The following GRIK2 variants were observed in gnomAD, a reference collection of about 807,000 sequenced individuals.
The protein encoded by GRIK2 is glutamate ionotropic receptor kainate type subunit 2, also known as glutamate receptor ionotropic, kainate 2.
GRIK2 carries 32 observed loss-of-function variants against 100.3 expected under a neutral mutation model. The observed-to-expected ratio is 0.32, with a 90% CI of 0.24 to 0.43. The LOEUF (loss-of-function observed/expected upper bound fraction) is 0.43. Among genes scored for constraint, GRIK2 ranks in the 20% least tolerant of loss-of-function variants. GRIK2 has a pLI of 1.00. For synonymous variants in GRIK2, 417 were observed against 389.4 expected (o/e 1.07, Z -0.83); for missense variants, 843 against 1,114.9 (o/e 0.76, Z 3.47).
chr6:101,620,615 G>A (rs962073510), intron 2 of GRIK2, among the ~76,000 whole-genome samples: 1 of 152,130 alleles, frequency 6.6e-6, no homozygotes, highest in South Asian at 2.1e-4. Flanking sequence ...AAATATCTTT[G>A]ATGAGGTATG....
At chr6:101,480,434 C>T (rs960754730) in intron 2 of GRIK2, among the ~76,000 whole-genome samples, 5 of 151,956 alleles carry the variant, frequency 3.3e-5, no homozygotes, top group African/African-American at 1.2e-4. Context: ...AGCATCCTAT[C>T]TTTCTCTTTT....
At chr6:101,548,650 T>C (rs1323798067) in intron 2 of GRIK2, among the ~76,000 whole-genome samples, 1 of 152,242 alleles carries the variant, frequency 6.6e-6, no homozygotes, top group Admixed American at 6.5e-5. Flanking sequence ...GCATTATTTC[T>C]GAGGGCTGCA....
intron 7 of GRIK2, among the ~76,000 whole-genome samples, chr6:101,730,649 T>G (rs930266484): frequency 4.1e-5 from 6 of 147,976 alleles, no homozygotes; most frequent in Non-Finnish European, 5.9e-5. Flanking sequence ...CCCTTTTTTG[T>G]TTTTTTTTGT....
At chr6:101,669,885 A>T (rs532807269) in intron 4 of GRIK2, among the ~76,000 whole-genome samples, 1 of 152,250 alleles carries the variant, frequency 6.6e-6, no homozygotes, top group Admixed American at 6.5e-5. Flanking sequence ...AAGGAAAGCA[A>T]AGGATTAAGA....
chr6:101,662,842 C>T (rs2128334702), intron 4 of GRIK2, among the ~76,000 whole-genome samples: 1 of 152,054 alleles, frequency 6.6e-6, no homozygotes, highest in South Asian at 2.1e-4. Flanking sequence ...TGAACATATA[C>T]CATTTATATT....
chr6:101,886,364 G>A (rs558613339), intron 11 of GRIK2, among the ~76,000 whole-genome samples: 7 of 151,934 alleles, frequency 4.6e-5, no homozygotes, highest in African/African-American at 2.4e-5. Flanking sequence ...ATGTCTGAAT[G>A]TGTCTATCTG....
chr6:101,753,276 C>G (rs1223283273), intron 7 of GRIK2, among the ~76,000 whole-genome samples: 1 of 138,834 alleles, frequency 7.2e-6, no homozygotes, highest in Non-Finnish European at 1.5e-5. Context: ...GAGCGAGACT[C>G]CGTCTCAAAA....
chr6:101,582,801 T>A (rs1025775731), intron 2 of GRIK2, among the ~76,000 whole-genome samples: 1 of 152,156 alleles, frequency 6.6e-6, no homozygotes, highest in African/African-American at 2.4e-5. Flanking sequence ...ATACAATTCC[T>A]GACAAATGGA....
chr6:101,818,450 A>T lies in GRIK2; in HGVS notation c.1284A>T (p.Leu428Phe). Reference protein sequence around the residue: ...KGKPANITDSLSNRSLIVTTI... With the variant: ...KGKPANITDSFSNRSLIVTTI... ...AGCCAGCGAACATCACAGATTCCTT[A>T]TCCAATCGTTCTTTGATTGTTACCA... is the stretch of plus-strand genomic sequence containing the variant. Residue 428 changes from leucine (L) to phenylalanine (F), a missense_variant, in exon 10 of 17, where the codon TTA becomes TTT. Leu to Phe is a conservative substitution (Grantham distance 22). Transcript: ENST00000369134. The T allele has an allele frequency of 6.2e-7, 1 of 1,608,032 alleles. No individual in the cohort carries two copies.
At chr6:101,858,124 G>A (rs545472816) in intron 10 of GRIK2, among the ~76,000 whole-genome samples, 6 of 152,182 alleles carry the variant, frequency 3.9e-5, no homozygotes, top group East Asian at 1.9e-4. Flanking sequence ...TTATCTTACC[G>A]AGTACCTTGC....
intron 2 of GRIK2, among the ~76,000 whole-genome samples, chr6:101,466,989 C>T (rs976334863): frequency 6.6e-6 from 1 of 152,004 alleles, no homozygotes; most frequent in African/African-American, 2.4e-5. Flanking sequence ...TCTAAGCACC[C>T]GCTAATATAC....
At chr6:101,579,866 A>AAT (rs1476824982) in intron 2 of GRIK2, among the ~76,000 whole-genome samples, 1 of 151,676 alleles carries the variant, frequency 6.6e-6, no homozygotes, top group Non-Finnish European at 1.5e-5. Context: ...AAAAAAAAAA[A>AAT]AAGAAATGCA....
intron 2 of GRIK2, among the ~76,000 whole-genome samples, chr6:101,412,694 A>G (rs1775938616): frequency 6.6e-6 from 1 of 152,028 alleles, no homozygotes; most frequent in Non-Finnish European, 1.5e-5. Flanking sequence ...TAATTTCAAG[A>G]AAATGCATCC....
At chr6:101,636,282 A>G (rs973048347) in intron 4 of GRIK2, among the ~76,000 whole-genome samples, 10 of 152,290 alleles carry the variant, frequency 6.6e-5, no homozygotes, top group African/African-American at 1.9e-4. Flanking sequence ...GTTCTCAGTC[A>G]TAAGTGGGAG....
At chr6:101,610,608 T>G (rs566750031) in intron 2 of GRIK2, among the ~76,000 whole-genome samples, 25 of 151,932 alleles carry the variant, frequency 1.6e-4, no homozygotes, top group Non-Finnish European at 2.8e-4. Context: ...CTTCCACAAT[T>G]TACTGTGCAG....
intron 2 of GRIK2, among the ~76,000 whole-genome samples, chr6:101,510,006 A>C (rs1774219694): frequency 6.6e-6 from 1 of 152,200 alleles, no homozygotes; most frequent in Admixed American, 6.5e-5. Context: ...TTTCTGTGAA[A>C]TATGCATTTA....
chr6:101,961,670 A>G (rs1455691293), intron 14 of GRIK2, among the ~76,000 whole-genome samples: 2 of 152,066 alleles, frequency 1.3e-5, no homozygotes, highest in African/African-American at 2.4e-5. Context: ...TGTGCAGAGG[A>G]GAGTGCACAC....
At chr6:101,551,115 C>A (rs1776490242) in intron 2 of GRIK2, among the ~76,000 whole-genome samples, 1 of 152,154 alleles carries the variant, frequency 6.6e-6, no homozygotes, top group Non-Finnish European at 1.5e-5. Flanking sequence ...CTCTGTTATC[C>A]TCAGAGATGC....
chr6:101,459,725 G>C (rs1212476881), intron 2 of GRIK2, among the ~76,000 whole-genome samples: 4 of 151,714 alleles, frequency 2.6e-5, no homozygotes, highest in Admixed American at 1.3e-4. Context: ...GTGTCCTCAT[G>C]CATACCTCAT....
Sources: allele counts gnomAD v4.1 joint callset (sites outside exome capture counted in the v4.1 genomes callset), GRCh38; gene constraint gnomAD v4.1.1; transcripts MANE v1.5; gene names NCBI Gene and HGNC (gene_info 2026-07-23, HGNC 2026-07-21).